LDB2: variants seen among roughly 807,000 people sequenced by gnomAD.
LDB2 encodes the protein LIM domain-binding protein 2.
In LDB2, 12 loss-of-function variants were observed where a neutral mutation model predicts 44.3. That is an observed-to-expected ratio of 0.27 (90% CI 0.17 to 0.44). The LOEUF (loss-of-function observed/expected upper bound fraction) is 0.44, where lower values mean the gene tolerates loss of function less well. Among genes scored for constraint, LDB2 ranks in the 20% least tolerant of loss-of-function variants. The probability of loss-of-function intolerance (pLI) is 1.00; values close to 1 mark genes in which losing one functional copy is unlikely to be tolerated. For synonymous variants in LDB2, 164 were observed against 174.8 expected (o/e 0.94, Z 0.49); for missense variants, 344 against 473.5 (o/e 0.73, Z 2.54).
intron 1 of LDB2, among the ~76,000 whole-genome samples, chr4:16,766,731 C>T (rs1400529365): frequency 2.0e-5 from 3 of 151,992 alleles, no homozygotes; most frequent in African/African-American, 7.3e-5. Flanking sequence ...GTCCTGAACT[C>T]CTGACTTCAG....
intron 1 of LDB2, among the ~76,000 whole-genome samples, chr4:16,787,542 A>G (rs1774726462): frequency 6.6e-6 from 1 of 152,188 alleles, no homozygotes; most frequent in South Asian, 2.1e-4. Flanking sequence ...TGAACCCAGG[A>G]GGCTACGGTT....
At chr4:16,812,998 CTTTT>C (rs543496196) in intron 1 of LDB2, among the ~76,000 whole-genome samples, 15 of 149,306 alleles carry the variant, frequency 1.0e-4, no homozygotes, top group African/African-American at 3.2e-4. Context: ...TCAGTTTACT[CTTTT>C]TTTTTTCTTT....
chr4:16,847,264 A>AT (rs796958522), intron 1 of LDB2, among the ~76,000 whole-genome samples: 5 of 137,252 alleles, frequency 3.6e-5, no homozygotes, highest in African/African-American at 1.8e-4. Flanking sequence ...TCAGCATAAT[A>AT]TTTTTTTTCA....
At chr4:16,845,058 G>A (rs927186793) in intron 1 of LDB2, among the ~76,000 whole-genome samples, 6 of 152,196 alleles carry the variant, frequency 3.9e-5, no homozygotes, top group African/African-American at 1.4e-4. Flanking sequence ...TTAGACTCAT[G>A]CAGTGCATGT....
intron 5 of LDB2, among the ~76,000 whole-genome samples, chr4:16,577,619 C>A (rs746231557): frequency 1.5e-4 from 23 of 152,120 alleles, no homozygotes; most frequent in Non-Finnish European, 2.6e-4. Context: ...TTGAAAGAAT[C>A]AATATTGTTA....
At chr4:16,509,914 G>A (rs1037965715) in intron 6 of LDB2, among the ~76,000 whole-genome samples, 1 of 152,206 alleles carries the variant, frequency 6.6e-6, no homozygotes, top group South Asian at 2.1e-4. Context: ...CCAGGAATTC[G>A]AGACCAACTT....
intron 1 of LDB2, chr4:16,893,140 T>TGA: frequency 1.4e-5 from 12 of 837,374 alleles, no homozygotes; most frequent in Non-Finnish European, 1.7e-5. Context: ...TTTTTAAAAC[T>TGA]GCACTTTTGG....
chr4:16,891,301 A>ATTTTTTT (rs1276936562), intron 1 of LDB2, among the ~76,000 whole-genome samples: 3 of 117,374 alleles, frequency 2.6e-5, no homozygotes, highest in South Asian at 2.8e-4. Flanking sequence ...AATCTTAAGT[A>ATTTTTTT]TTCTTTTTTT....
At chr4:16,587,345 T>C (rs1012433620) in intron 4 of LDB2, among the ~76,000 whole-genome samples, 2 of 152,170 alleles carry the variant, frequency 1.3e-5, no homozygotes, top group Non-Finnish European at 2.9e-5. Context: ...ACCCATCTTA[T>C]AGATGAGGGA....
intron 1 of LDB2, among the ~76,000 whole-genome samples, chr4:16,835,587 A>G (rs1784765655): frequency 6.6e-6 from 1 of 152,210 alleles, no homozygotes; most frequent in African/African-American, 2.4e-5. Flanking sequence ...GTCCCTGTAG[A>G]TATAAGTTTT....
chr4:16,750,181 C>G (rs894039629), intron 2 of LDB2, among the ~76,000 whole-genome samples: 2 of 152,120 alleles, frequency 1.3e-5, no homozygotes, highest in Non-Finnish European at 2.9e-5. Flanking sequence ...GTATATAATA[C>G]AGTATTATTG....
At chr4:16,706,117 A>T (rs1754548583) in intron 2 of LDB2, among the ~76,000 whole-genome samples, 1 of 152,144 alleles carries the variant, frequency 6.6e-6, no homozygotes, top group South Asian at 2.1e-4. Flanking sequence ...GTGTTCCTTT[A>T]TTTACTCAGC....
intron 1 of LDB2, among the ~76,000 whole-genome samples, chr4:16,852,915 T>C (rs1788575603): frequency 6.6e-6 from 1 of 152,074 alleles, no homozygotes; most frequent in South Asian, 2.1e-4. Flanking sequence ...AATTTGAAGA[T>C]AAAAAAAGAA....
At chr4:16,667,319 T>C (rs546771012) in intron 2 of LDB2, among the ~76,000 whole-genome samples, 1 of 152,280 alleles carries the variant, frequency 6.6e-6, no homozygotes, top group Admixed American at 6.5e-5. Flanking sequence ...GCAGAGTCCT[T>C]GCCGTGCACG....
intron 2 of LDB2, among the ~76,000 whole-genome samples, chr4:16,645,543 C>A (rs1172294304): frequency 7.1e-3 from 608 of 85,404 alleles, no homozygotes; most frequent in African/African-American, 0.015. Flanking sequence ...GACTCCGTCT[C>A]AAAAAAAAAA....
At chr4:16,766,664 C>A (rs1769378254) in intron 1 of LDB2, among the ~76,000 whole-genome samples, 1 of 151,728 alleles carries the variant, frequency 6.6e-6, no homozygotes, top group Non-Finnish European at 1.5e-5. Flanking sequence ...CACCACCACG[C>A]CCAGCTAATT....
intron 1 of LDB2, among the ~76,000 whole-genome samples, chr4:16,766,168 TC>T (rs1244006751): frequency 6.6e-6 from 1 of 152,090 alleles, no homozygotes; most frequent in Non-Finnish European, 1.5e-5. Context: ...CTCTCCTCTC[TC>T]AGACCTCCAT....
chr4:16,588,991 C>A (rs1717972509), intron 3 of LDB2, among the ~76,000 whole-genome samples, 159 bp from the exon 4 acceptor site: 1 of 152,188 alleles, frequency 6.6e-6, no homozygotes, highest in Non-Finnish European at 1.5e-5. Context: ...GCACACGGTA[C>A]AAATGTCAGC....
intron 2 of LDB2, among the ~76,000 whole-genome samples, chr4:16,616,040 G>A (rs1727209058): frequency 6.6e-6 from 1 of 152,150 alleles, no homozygotes; most frequent in South Asian, 2.1e-4. Flanking sequence ...AAATGCTCTT[G>A]CCTCAGGCGA....
Sources: gnomAD v4.1 joint callset for allele counts (sites outside exome capture counted in the v4.1 genomes callset) on GRCh38, gnomAD v4.1.1 for gene constraint, MANE v1.5 for transcripts, NCBI Gene and HGNC (gene_info 2026-07-23, HGNC 2026-07-21) for gene names.